Variants in PSME4 observed in about 807,000 individuals in gnomAD.
The protein encoded by PSME4 is proteasome activator complex subunit 4.
A neutral mutation model predicts 253.9 loss-of-function variants in PSME4; 89 were observed. The observed-to-expected ratio is 0.35, with a 90% CI of 0.30 to 0.42. PSME4 has a LOEUF of 0.42. Ranked by LOEUF, PSME4 falls within the 10% of genes least tolerant of loss-of-function variation. The pLI is 1.00. For missense variants in PSME4, 2,014 were observed against 2,195.2 expected, an observed-to-expected ratio of 0.92 and a Z score of 1.65; for synonymous variants, 851 against 759.2, an observed-to-expected ratio of 1.12 and a Z score of -1.99.
At chr2:53,910,268 G>T (rs371483932) in intron 20 of PSME4, 138 bp from the exon 21 acceptor site, 7 of 687,994 alleles carry the variant, frequency 1.0e-5, no homozygotes, top group South Asian at 7.1e-5. Context: ...CATCTTCAAT[G>T]GGAAAAATCA....
Position 53,959,053 on chromosome 2 carries a change from C to T in PSME4, c.243-9770G>A, listed in dbSNP as rs115764907. ...CTTAAGAGCTGGGCGTGGTGGCTCACACCTTATAATCCTAGCACTTTGGGA... is the reference window on the plus strand; with the variant it reads ...CTTAAGAGCTGGGCGTGGTGGCTCATACCTTATAATCCTAGCACTTTGGGA... On this transcript the variant is annotated intron_variant, in intron 1 of 46. Transcript: ENST00000404125. 4.2e-3 allele frequency among the ~76,000 whole-genome samples: 636 copies of T among 152,262 alleles called. 2 individuals are homozygous for T. The highest frequency in any genetic ancestry group is 0.013 in the African/African-American group (534 of 41,544).
In PSME4 at chr2:53,908,568, A is replaced by G. The variant is rs370169779; in HGVS notation, c.2630-3T>C. ...TTCTGAATTATCAAGTATGTGGTCT[A>G]TAATGGAAGAAAGAAAAGGATTTTG... On this transcript the variant is annotated splice_region_variant and splice_polypyrimidine_tract_variant and intron_variant, in intron 22 of 46. Coordinates refer to ENST00000404125, the MANE Select transcript of PSME4 (RefSeq NM_014614.3). 1.5e-5 allele frequency: 24 copies of G among 1,586,334 alleles called. No individual in the cohort carries two copies. In the African/African-American group the frequency reaches 3.1e-4, roughly 21 times the overall value.
chr2:53,882,992 T>C (rs966390457), intron 41 of PSME4, among the ~76,000 whole-genome samples: 18 of 152,118 alleles, frequency 1.2e-4, no homozygotes, highest in Admixed American at 6.5e-5. Flanking sequence ...TATCTTATAC[T>C]TTTATGAATA....
intron 24 of PSME4, among the ~76,000 whole-genome samples, chr2:53,907,766 G>A (rs1201860281): frequency 6.6e-6 from 1 of 152,052 alleles, no homozygotes; most frequent in Admixed American, 6.5e-5. Context: ...CCTTTTACAT[G>A]CCATTCCTTC....
At chr2:53,959,441 A>G (rs1041969048) in intron 1 of PSME4, among the ~76,000 whole-genome samples, 2 of 152,186 alleles carry the variant, frequency 1.3e-5, no homozygotes, top group Non-Finnish European at 2.9e-5. Flanking sequence ...ACAGCAAGGA[A>G]AACTACCATG....
intron 41 of PSME4, among the ~76,000 whole-genome samples, chr2:53,877,765 A>G (rs1164349824): frequency 6.6e-6 from 1 of 152,170 alleles, no homozygotes; most frequent in East Asian, 1.9e-4. Context: ...AGAGGAGCTG[A>G]CTTAAGTTTG....
intron 41 of PSME4, among the ~76,000 whole-genome samples, chr2:53,879,904 T>G (rs1263301828): frequency 6.6e-6 from 1 of 152,050 alleles, no homozygotes; most frequent in African/African-American, 2.4e-5. Context: ...CCCTGGCATG[T>G]GACCAAAATT....
chr2:53,925,870 T>TTA (rs1189938570), intron 13 of PSME4, 89 bp downstream of exon 13: 2 of 1,398,194 alleles, frequency 1.4e-6, no homozygotes, highest in Admixed American at 1.8e-5. Flanking sequence ...TAAATAAAGG[T>TTA]TATAATGCAG....
chr2:53,937,142 GT>G (rs1193700930), intron 5 of PSME4, among the ~76,000 whole-genome samples: 2 of 151,792 alleles, frequency 1.3e-5, no homozygotes, highest in Non-Finnish European at 2.9e-5. Flanking sequence ...CTGTTTTCCT[GT>G]TATTACCCCT....
chr2:53,920,384 G>T, intron 18 of PSME4, 34 bp from the exon 19 acceptor site: 1 of 1,530,528 alleles, frequency 6.5e-7, no homozygotes, highest in East Asian at 2.3e-5. Context: ...AGCAAGTTGA[G>T]AAATTAAAAA....
intron 20 of PSME4, among the ~76,000 whole-genome samples, chr2:53,917,688 G>A (rs1668120346): frequency 6.6e-6 from 1 of 152,172 alleles, no homozygotes. Flanking sequence ...TCAATTTGCT[G>A]ATGTGCAAAG....
chr2:53,922,430 T>TA, intron 17 of PSME4, 87 bp downstream of exon 17: 2 of 1,392,096 alleles, frequency 1.4e-6, no homozygotes, highest in Non-Finnish European at 2.0e-6. Flanking sequence ...TCATATGTTT[T>TA]AAAGTCATTT....
At chr2:53,873,238 C>A (rs1266699734) in intron 43 of PSME4, among the ~76,000 whole-genome samples, 33 of 123,140 alleles carry the variant, frequency 2.7e-4, no homozygotes, top group Admixed American at 2.5e-4. Flanking sequence ...GACTCCGTCT[C>A]AAAAAAAAAG....
Position 53,970,533 on chromosome 2 carries a change from GCA to G in PSME4, c.242+8_242+9del. 4 of 1,547,464 alleles carry G rather than the reference GCA, an allele frequency of 2.6e-6. No homozygotes were observed. The South Asian group carries it at 3.6e-5, about 14-fold the overall frequency. ...CCCCCGGCCCGGCCCGCAGGCCCGG[GCA>G]CACTTACGTGGAGAGTTTCCTGGTC... On this transcript the variant is annotated splice_region_variant and intron_variant, in intron 1 of 46. Coordinates refer to ENST00000404125, the MANE Select transcript of PSME4 (RefSeq NM_014614.3).
At chr2:53,918,525 T>C (rs1350008692) in intron 20 of PSME4, among the ~76,000 whole-genome samples, 2 of 152,082 alleles carry the variant, frequency 1.3e-5, no homozygotes, top group African/African-American at 4.8e-5. Flanking sequence ...TATTTTTTTG[T>C]AGAGACGGGT....
intron 28 of PSME4, among the ~76,000 whole-genome samples, chr2:53,900,776 G>T (rs1055035310): frequency 1.3e-5 from 2 of 152,146 alleles, no homozygotes; most frequent in Admixed American, 6.5e-5. Context: ...AACCAGGGGA[G>T]AGATGTCAAC....
intron 27 of PSME4, among the ~76,000 whole-genome samples, chr2:53,901,897 TCTCTATAAAAAATA>T (rs915219087): frequency 1.3e-5 from 2 of 152,036 alleles, no homozygotes; most frequent in African/African-American, 2.4e-5. Flanking sequence ...TGAAACCTCT[TCTCTATAAAAAATA>T]CAAAAATTAG....
At chr2:53,955,121 T>C (rs1281532306) in intron 1 of PSME4, among the ~76,000 whole-genome samples, 1 of 151,718 alleles carries the variant, frequency 6.6e-6, no homozygotes, top group Admixed American at 6.6e-5. Context: ...CAGTGAGCCA[T>C]GATCTTGCCA....
chr2:53,868,021 A>G (rs1678657091), intron 44 of PSME4, among the ~76,000 whole-genome samples: 1 of 152,186 alleles, frequency 6.6e-6, no homozygotes, highest in African/African-American at 2.4e-5. Context: ...GTTTTAAAGC[A>G]TATTACATTT....
Sources: gnomAD v4.1 joint callset for allele counts (sites outside exome capture counted in the v4.1 genomes callset) on GRCh38, gnomAD v4.1.1 for gene constraint, MANE v1.5 for transcripts, NCBI Gene and HGNC (gene_info 2026-07-23, HGNC 2026-07-21) for gene names.